The following MTUS2 variants were observed in gnomAD, a reference collection of about 807,000 sequenced individuals.
MTUS2 encodes microtubule-associated tumor suppressor candidate 2.
Under a neutral mutation model 114.1 loss-of-function variants are expected in MTUS2, and 40 were observed. The ratio of observed to expected loss-of-function variants is 0.35; its 90% CI spans 0.27 to 0.46. MTUS2 has a LOEUF of 0.46. MTUS2 is among the 20% of genes least tolerant of loss of function. The pLI is 1.00. For synonymous variants in MTUS2, 688 were observed against 672.0 expected (o/e 1.02, Z -0.37); for missense variants, 1,679 against 1,705.4 (o/e 0.98, Z 0.27).
At chr13:29,382,440 T>A (rs1181826760) in intron 8 of MTUS2, among the ~76,000 whole-genome samples, 1 of 151,810 alleles carries the variant, frequency 6.6e-6, no homozygotes, top group African/African-American at 2.4e-5. Flanking sequence ...AATTGGGAGG[T>A]AAGTTGCCTA....
chr13:29,011,454 T>G (rs975006928), intron 2 of MTUS2, among the ~76,000 whole-genome samples: 1 of 152,192 alleles, frequency 6.6e-6, no homozygotes, highest in Admixed American at 6.5e-5. Context: ...AATATAAATA[T>G]CTTTTACTAT....
intron 2 of MTUS2, among the ~76,000 whole-genome samples, chr13:29,022,454 C>T (rs1322091774): frequency 1.3e-5 from 2 of 152,276 alleles, no homozygotes; most frequent in East Asian, 1.9e-4. Flanking sequence ...GCTCCCAAAG[C>T]GTTGGGATTA....
chr13:29,069,016 G>A (rs922163166), intron 4 of MTUS2, among the ~76,000 whole-genome samples: 1 of 152,160 alleles, frequency 6.6e-6, no homozygotes, highest in African/African-American at 2.4e-5. Flanking sequence ...GACCCCTTAG[G>A]AGGCTGTTGC....
At chr13:29,218,174 C>T (rs1043190692) in intron 5 of MTUS2, among the ~76,000 whole-genome samples, 1 of 152,062 alleles carries the variant, frequency 6.6e-6, no homozygotes, top group Admixed American at 6.6e-5. Flanking sequence ...CTAAAAACCC[C>T]AGTGTTTACA....
chr13:29,220,799 G>A (rs776091225), intron 5 of MTUS2, among the ~76,000 whole-genome samples: 1 of 152,184 alleles, frequency 6.6e-6, no homozygotes, highest in Non-Finnish European at 1.5e-5. Context: ...AACATGTGTT[G>A]TTGGAAAAAT....
chr13:28,866,084 T>G (rs9550406), intron 2 of MTUS2, among the ~76,000 whole-genome samples: 25,334 of 152,108 alleles, frequency 0.17, 2,549 homozygotes, highest in African/African-American at 0.27. Flanking sequence ...GTATTTAAAT[T>G]TTCATGAGGA....
rs1048030818 is a variant in MTUS2, at chr13:29,080,629, A to G, written c.2447-20144A>G. ...TGGTCTTTTCTTCTGTCTGCTTTTA[A>G]TCTGGCTGCACTGGCAGCTGATGAG... On this transcript the variant is annotated intron_variant, in intron 4 of 15. Transcript: ENST00000612955. 2.6e-5 allele frequency among the ~76,000 whole-genome samples: 4 copies of G among 152,162 alleles called. No individual in the cohort carries two copies. The South Asian group carries it at 8.3e-4, about 32-fold the overall frequency.
At chr13:29,485,860 G>A (rs985595286) in intron 10 of MTUS2, among the ~76,000 whole-genome samples, 1 of 139,210 alleles carries the variant, frequency 7.2e-6, no homozygotes, top group Non-Finnish European at 1.5e-5. Flanking sequence ...TTAGAATCAC[G>A]CCAAGGGCCG....
intron 5 of MTUS2, among the ~76,000 whole-genome samples, chr13:29,210,175 T>C (rs184586535): frequency 2.2e-4 from 33 of 152,224 alleles, no homozygotes; most frequent in Non-Finnish European, 3.7e-4. Context: ...AAGCCTTGTC[T>C]TCGAGCTCTG....
intron 14 of MTUS2, 141 bp downstream of exon 14, chr13:29,498,678 C>A: frequency 8.4e-7 from 1 of 1,183,926 alleles, no homozygotes; most frequent in Non-Finnish European, 1.2e-6. Flanking sequence ...CCACAGCTGG[C>A]CTTTCCCAGG....
chr13:29,193,349 G>A (rs1470561150), intron 5 of MTUS2, among the ~76,000 whole-genome samples: 1 of 152,042 alleles, frequency 6.6e-6, no homozygotes, highest in Non-Finnish European at 1.5e-5. Flanking sequence ...AGTCTTAAGA[G>A]CTACAGTAGT....
chr13:29,289,069 C>T (rs1342494302), intron 6 of MTUS2, among the ~76,000 whole-genome samples: 2 of 152,054 alleles, frequency 1.3e-5, no homozygotes, highest in African/African-American at 2.4e-5. Context: ...ATTGAAATAC[C>T]CTTTTTTCCT....
intron 2 of MTUS2, among the ~76,000 whole-genome samples, chr13:28,903,343 A>G (rs1387369713): frequency 1.3e-5 from 2 of 151,400 alleles, no homozygotes; most frequent in Admixed American, 6.6e-5. Context: ...TACATGTGCC[A>G]TGTTGGTGTG....
intron 4 of MTUS2, among the ~76,000 whole-genome samples, chr13:29,050,683 G>A (rs1593422837): frequency 6.6e-6 from 1 of 152,206 alleles, no homozygotes; most frequent in Non-Finnish European, 1.5e-5. Context: ...CTGTGTTCCT[G>A]CAGAGAAGGA....
At position 29,074,858 on chromosome 13, in the gene MTUS2, A is replaced by G. The variant is rs558553728; in HGVS notation, c.2447-25915A>G. Among the ~76,000 whole-genome samples, 3 of 152,348 alleles carry G rather than the reference A, an allele frequency of 2.0e-5. No individual in the cohort carries two copies. The Middle Eastern group carries it at 0.01, about 518-fold the overall frequency. On this transcript the variant is annotated intron_variant, in intron 4 of 15. Transcript: ENST00000612955. ...TCTTAAACCACAGTTTTATTGAGAT[A>G]TAATTCACATATTTCACTATATATT...
intron 5 of MTUS2, among the ~76,000 whole-genome samples, chr13:29,145,150 A>C (rs1241994903): frequency 6.6e-6 from 1 of 152,184 alleles, no homozygotes; most frequent in African/African-American, 2.4e-5. Flanking sequence ...ACAAATTACT[A>C]TTGTAATTAT....
chr13:29,077,758 T>G (rs999946226), intron 4 of MTUS2, among the ~76,000 whole-genome samples: 1 of 152,200 alleles, frequency 6.6e-6, no homozygotes, highest in African/African-American at 2.4e-5. Context: ...TTAATATACA[T>G]TTACTTTCTT....
At chr13:29,375,192 T>G (rs1871483604) in intron 8 of MTUS2, among the ~76,000 whole-genome samples, 1 of 151,972 alleles carries the variant, frequency 6.6e-6, no homozygotes, top group African/African-American at 2.4e-5. Context: ...AACTTGAAGA[T>G]AGAGCAGTAG....
chr13:29,314,308 A>G (rs529556279), intron 6 of MTUS2, among the ~76,000 whole-genome samples: 1 of 152,346 alleles, frequency 6.6e-6, no homozygotes, highest in East Asian at 1.9e-4. Flanking sequence ...CTGATGGAGA[A>G]CTTGTGGGAG....
Sources: allele counts gnomAD v4.1 joint callset (sites outside exome capture counted in the v4.1 genomes callset), GRCh38; gene constraint gnomAD v4.1.1; transcripts MANE v1.5; gene names NCBI Gene and HGNC (gene_info 2026-07-23, HGNC 2026-07-21).